The following RFX4 variants were observed in gnomAD, a reference collection of about 807,000 sequenced individuals.
RFX4 encodes transcription factor RFX4.
A neutral mutation model predicts 95.0 loss-of-function variants in RFX4; 10 were observed. That is an observed-to-expected ratio of 0.11 (90% CI 0.06 to 0.18). The LOEUF is 0.18. Among genes scored for constraint, RFX4 ranks in the 10% least tolerant of loss-of-function variants. The pLI is 1.00. For synonymous variants in RFX4, 321 were observed against 340.7 expected (o/e 0.94, Z 0.64); for missense variants, 640 against 922.0 (o/e 0.69, Z 3.96).
intron 16 of RFX4, among the ~76,000 whole-genome samples, chr12:106,750,146 A>G (rs2042971877): frequency 6.6e-6 from 1 of 152,062 alleles, no homozygotes; most frequent in Non-Finnish European, 1.5e-5. Context: ...GTTTTAAGTT[A>G]ACCATAACAA....
intron 8 of RFX4, among the ~76,000 whole-genome samples, chr12:106,700,649 GC>G (rs1446686423): frequency 6.7e-6 from 1 of 149,954 alleles, no homozygotes; most frequent in East Asian, 2.0e-4. Flanking sequence ...CTCGTGATCC[GC>G]CCGCCTCGGC....
chr12:106,598,891 G>C (rs945305652), intron 1 of RFX4, among the ~76,000 whole-genome samples: 1 of 152,134 alleles, frequency 6.6e-6, no homozygotes, highest in Non-Finnish European at 1.5e-5. Flanking sequence ...AAAGAAAAAA[G>C]TCTGCTAACA....
intron 8 of RFX4, among the ~76,000 whole-genome samples, chr12:106,703,169 G>T (rs1232294729): frequency 6.6e-6 from 1 of 152,112 alleles, no homozygotes; most frequent in Non-Finnish European, 1.5e-5. Flanking sequence ...CTCATTGGAG[G>T]TGCCTTTCTT....
chr12:106,691,988 C>T (rs2041793487), intron 7 of RFX4, among the ~76,000 whole-genome samples: 2 of 152,190 alleles, frequency 1.3e-5, no homozygotes, highest in Middle Eastern at 3.4e-3. Flanking sequence ...GAAACCTCAT[C>T]TCTACTAAAA....
chr12:106,704,135 A>T (rs2042041169), intron 8 of RFX4, among the ~76,000 whole-genome samples: 1 of 151,858 alleles, frequency 6.6e-6, no homozygotes, highest in Non-Finnish European at 1.5e-5. Context: ...TAAATGAAAT[A>T]GTCAGGACTC....
chr12:106,657,900 C>A lies in RFX4; in HGVS notation c.315+3549C>A, dbSNP rs111929633. Among the ~76,000 whole-genome samples, 1,281 of 152,104 alleles carry A rather than the reference C, an allele frequency of 8.4e-3. 4 individuals are homozygous for A. Among genetic ancestry groups the A allele is most frequent in the South Asian group, 0.013 (64 of 4,824 alleles). On this transcript the variant is annotated intron_variant, in intron 4 of 17. Coordinates refer to ENST00000392842, the MANE Select transcript of RFX4 (RefSeq NM_213594.3). ...ACATTTATATAGTATAGTTTTCTCT[C>A]TATATATAGATATATAGCTAACTTT...
At chr12:106,616,142 T>C (rs1222283136) in intron 2 of RFX4, among the ~76,000 whole-genome samples, 1 of 152,230 alleles carries the variant, frequency 6.6e-6, no homozygotes, top group Non-Finnish European at 1.5e-5. Context: ...CCTTCTATCT[T>C]TGGTTTTCTG....
At chr12:106,755,415 G>T (rs560283665) in intron 17 of RFX4, among the ~76,000 whole-genome samples, 3 of 152,278 alleles carry the variant, frequency 2.0e-5, no homozygotes, top group African/African-American at 7.2e-5. Flanking sequence ...AGTTTTTAAA[G>T]ATAAGTAGAC....
chr12:106,732,815 C>A, intron 14 of RFX4, 109 bp from the exon 15 acceptor site: 1 of 1,102,050 alleles, frequency 9.1e-7, no homozygotes, highest in Non-Finnish European at 1.3e-6. Context: ...AAGAGTTTGA[C>A]AAGAGAGTGA....
chr12:106,689,057 T>A (rs2041725663), intron 6 of RFX4, among the ~76,000 whole-genome samples: 1 of 152,124 alleles, frequency 6.6e-6, no homozygotes, highest in Non-Finnish European at 1.5e-5. Flanking sequence ...GCATTCCGTA[T>A]CTCAGGGAGA....
chr12:106,709,462 G>A (rs745875816), intron 9 of RFX4, 32 bp downstream of exon 9: 16 of 1,535,286 alleles, frequency 1.0e-5, no homozygotes, highest in East Asian at 2.3e-5. Flanking sequence ...GGATGGAAGA[G>A]AGAATTACAT....
At chr12:106,729,850 C>T (rs1435960808) in intron 13 of RFX4, among the ~76,000 whole-genome samples, 1 of 152,194 alleles carries the variant, frequency 6.6e-6, no homozygotes, top group African/African-American at 2.4e-5. Flanking sequence ...ATGTAATTAC[C>T]CACACAGTGC....
At chr12:106,663,068 AG>A (rs1245209782) in intron 4 of RFX4, among the ~76,000 whole-genome samples, 2 of 152,148 alleles carry the variant, frequency 1.3e-5, no homozygotes, top group African/African-American at 4.8e-5. Context: ...TAGAAACATT[AG>A]AATCAATTTA....
Position 106,593,033 on chromosome 12 carries a change from G to A in RFX4, c.43+9670G>A, listed in dbSNP as rs544321131. On this transcript the variant is annotated intron_variant, in intron 1 of 17. Transcript: ENST00000392842. ...TGCCGGGAGATTACGGAGTTTATGT[G>A]TGTCATATCCCACCCTCAAGGCAGG... is the stretch of plus-strand genomic sequence containing the variant. Among the ~76,000 whole-genome samples the A allele has an allele frequency of 3.3e-5, 5 of 152,268 alleles. No individual in the cohort carries two copies. In the East Asian group the frequency reaches 7.7e-4, roughly 23 times the overall value.
chr12:106,743,551 T>C (rs2042842209), intron 15 of RFX4, among the ~76,000 whole-genome samples: 5 of 152,232 alleles, frequency 3.3e-5, no homozygotes, highest in Admixed American at 3.3e-4. Context: ...TCCACTAGCT[T>C]TTTGTTTGAT....
intron 2 of RFX4, among the ~76,000 whole-genome samples, chr12:106,624,657 G>A (rs1296229461): frequency 6.6e-6 from 1 of 152,020 alleles, no homozygotes; most frequent in African/African-American, 2.4e-5. Flanking sequence ...AAAGAGTGTT[G>A]GGCGGGGCGG....
intron 3 of RFX4, among the ~76,000 whole-genome samples, chr12:106,648,622 T>C (rs1592894592): frequency 7.1e-6 from 1 of 141,072 alleles, no homozygotes; most frequent in Non-Finnish European, 1.5e-5. Flanking sequence ...AAAAATCCTG[T>C]GGGGTTTTTT....
intron 7 of RFX4, among the ~76,000 whole-genome samples, chr12:106,691,264 T>C (rs891617060): frequency 6.6e-6 from 1 of 152,232 alleles, no homozygotes; most frequent in African/African-American, 2.4e-5. Flanking sequence ...TGGTAAAAGC[T>C]CTTTGTAAAC....
chr12:106,702,851 A>T (rs1015824944), intron 8 of RFX4, among the ~76,000 whole-genome samples: 1 of 152,130 alleles, frequency 6.6e-6, no homozygotes, highest in Non-Finnish European at 1.5e-5. Context: ...GTGGAACTTC[A>T]TGCTTTTTCC....
Sources: allele counts gnomAD v4.1 joint callset (sites outside exome capture counted in the v4.1 genomes callset), GRCh38; gene constraint gnomAD v4.1.1; transcripts MANE v1.5; gene names NCBI Gene and HGNC (gene_info 2026-07-23, HGNC 2026-07-21).